Variants in CDH11 observed in about 807,000 individuals in gnomAD.
CDH11 encodes the protein cadherin-11.
In CDH11, 11 loss-of-function variants were observed where a neutral mutation model predicts 67.8. The ratio of observed to expected loss-of-function variants is 0.16; its 90% CI spans 0.10 to 0.27. The LOEUF (loss-of-function observed/expected upper bound fraction) is 0.27, where lower values mean the gene tolerates loss of function less well. Among genes scored for constraint, CDH11 ranks in the 10% least tolerant of loss-of-function variants. CDH11 has a pLI of 1.00. For missense variants in CDH11, 847 were observed against 1,031.2 expected (o/e 0.82, Z 2.45); for synonymous variants, 419 against 400.0 (o/e 1.05, Z -0.57).
At chr16:65,009,923 A>G (rs1409694880) in intron 2 of CDH11, among the ~76,000 whole-genome samples, 2 of 152,232 alleles carry the variant, frequency 1.3e-5, no homozygotes. Flanking sequence ...TGCCTTGAGC[A>G]TAAAACTCTC....
Position 64,972,924 on chromosome 16 carries a change from G to A in CDH11, c.1370C>T (p.Thr457Ile). 1 of 1,613,920 alleles carries A rather than the reference G, an allele frequency of 6.2e-7. No homozygotes were observed. The highest frequency in any genetic ancestry group is 8.5e-7 in the Non-Finnish European group (1 of 1,179,886). The stretch of plus-strand genomic sequence containing the variant: ...CTTACGGATTTCTGCTGCAAAGACA[G>A]TGATGTTGAGCCAGGCTGTTTCCTC... ...DREETAWLNI[T>I]VFAAEIHNRH... Residue 457 changes from threonine to isoleucine, a missense_variant, in exon 9 of 13, where the codon ACT becomes ATT. Physicochemically the swap from Thr to Ile is moderately conservative, Grantham distance 89. Transcript: ENST00000268603.
At chr16:64,953,087 A>G (rs2071405795) in intron 11 of CDH11, among the ~76,000 whole-genome samples, 1 of 152,120 alleles carries the variant, frequency 6.6e-6, no homozygotes. Context: ...GTAAATAGTT[A>G]TGATACTGTA....
chr16:64,972,894 G>C lies in CDH11; in HGVS notation c.1390+10C>G, dbSNP rs1750671090. ...TAAAGTAGAATCAAAACCATGAGGA[G>C]AATACTTACGGATTTCTGCTGCAAA... On this transcript the variant is annotated intron_variant, in intron 9 of 12. Transcript: ENST00000268603. The C allele has an allele frequency of 6.2e-7, 1 of 1,613,408 alleles. No individual in the cohort carries two copies. Among genetic ancestry groups the C allele is most frequent in the Non-Finnish European group, 8.5e-7 (1 of 1,179,476 alleles).
At chr16:64,962,964 T>C (rs985924285) in intron 11 of CDH11, among the ~76,000 whole-genome samples, 2 of 152,206 alleles carry the variant, frequency 1.3e-5, no homozygotes, top group African/African-American at 4.8e-5. Flanking sequence ...TGCTAGCCCT[T>C]CTTTAACTTA....
chr16:65,027,063 A>G (rs963820945), intron 2 of CDH11, among the ~76,000 whole-genome samples: 2 of 152,158 alleles, frequency 1.3e-5, no homozygotes, highest in African/African-American at 2.4e-5. Flanking sequence ...CCATGTTTCT[A>G]TCAGTATTTC....
rs773287027 is a variant in CDH11, at chr16:64,950,901, G to C, written c.1760C>G (p.Thr587Ser). Residue 587 changes from threonine (T) to serine (S), a missense_variant, in exon 12 of 13, where the codon ACC becomes AGC. This residue lies in a region of CDH11 where 612 missense variants were observed against 678.7 expected (regional missense o/e 0.90). Coordinates refer to ENST00000268603, the MANE Select transcript of CDH11 (RefSeq NM_001797.4). ...GGIPPMSSTN[T>S]LTIKVCGCDV... ...GCACCCGCAGACTTTGATGGTGAGG[G>C]TGTTGGTGCTACTCATGGGCGGGAT... 3.7e-6 allele frequency: 6 copies of C among 1,614,240 alleles called. No homozygotes were observed. Among genetic ancestry groups the C allele is most frequent in the Non-Finnish European group, 5.1e-6 (6 of 1,180,030 alleles).
intron 2 of CDH11, among the ~76,000 whole-genome samples, chr16:65,038,195 G>A (rs2142651979): frequency 6.6e-6 from 1 of 152,100 alleles, no homozygotes; most frequent in Non-Finnish European, 1.5e-5. Flanking sequence ...CTGAGATTGG[G>A]GCTCTGGCAG....
chr16:65,103,459 A>C (rs1433075203), intron 1 of CDH11, among the ~76,000 whole-genome samples: 1 of 152,232 alleles, frequency 6.6e-6, no homozygotes, highest in Non-Finnish European at 1.5e-5. Flanking sequence ...ATGAGGAAAT[A>C]AAATATGTTA....
intron 2 of CDH11, among the ~76,000 whole-genome samples, chr16:65,027,445 A>G (rs1271663493): frequency 6.6e-6 from 1 of 152,228 alleles, no homozygotes; most frequent in Non-Finnish European, 1.5e-5. Context: ...GAGATTTACC[A>G]GCAGGCTAAA....
At chr16:64,979,556 A>G (rs1326665509) in intron 8 of CDH11, among the ~76,000 whole-genome samples, 1 of 152,152 alleles carries the variant, frequency 6.6e-6, no homozygotes, top group Non-Finnish European at 1.5e-5. Context: ...GATAGCTATA[A>G]TGAAAAGAGG....
At chr16:65,112,323 G>A (rs1287779490) in intron 1 of CDH11, among the ~76,000 whole-genome samples, 2 of 152,104 alleles carry the variant, frequency 1.3e-5, no homozygotes, top group Non-Finnish European at 2.9e-5. Context: ...TGATGGCAGA[G>A]TTTGTTGGTC....
intron 11 of CDH11, among the ~76,000 whole-genome samples, chr16:64,955,445 A>G (rs2071483013): frequency 6.6e-6 from 1 of 152,086 alleles, no homozygotes; most frequent in South Asian, 2.1e-4. Context: ...AAAGAAAAAA[A>G]AAATCCACTA....
chr16:65,015,623 CTATAAG>C (rs1042722443), intron 2 of CDH11, among the ~76,000 whole-genome samples: 1 of 152,100 alleles, frequency 6.6e-6, no homozygotes, highest in African/African-American at 2.4e-5. Context: ...AGTCCAGGTT[CTATAAG>C]GGGGAAAAAT....
chr16:64,956,982 A>C (rs2071531315), intron 11 of CDH11, among the ~76,000 whole-genome samples: 1 of 152,162 alleles, frequency 6.6e-6, no homozygotes, highest in South Asian at 2.1e-4. Flanking sequence ...AAAAAATAAA[A>C]ATAAAAAAGG....
intron 1 of CDH11, among the ~76,000 whole-genome samples, chr16:65,076,104 T>A (rs2074504877): frequency 6.6e-6 from 1 of 152,154 alleles, no homozygotes; most frequent in Non-Finnish European, 1.5e-5. Flanking sequence ...CCTTGAGAGT[T>A]TGCCAACAAG....
chr16:65,069,173 C>G (rs909414112), intron 1 of CDH11, among the ~76,000 whole-genome samples: 1 of 152,190 alleles, frequency 6.6e-6, no homozygotes, highest in Non-Finnish European at 1.5e-5. Flanking sequence ...AGAATACATG[C>G]TGTGCATGGA....
intron 11 of CDH11, among the ~76,000 whole-genome samples, chr16:64,957,525 C>A (rs918485070): frequency 2.0e-5 from 3 of 151,884 alleles, no homozygotes; most frequent in Non-Finnish European, 2.9e-5. Context: ...CTGGCCTACA[C>A]TGCTTTCCTT....
chr16:65,044,821 G>C (rs1412484603), intron 2 of CDH11, among the ~76,000 whole-genome samples: 2 of 152,162 alleles, frequency 1.3e-5, no homozygotes, highest in Non-Finnish European at 2.9e-5. Context: ...TTTATCCTGA[G>C]AGGGACTGCA....
intron 2 of CDH11, among the ~76,000 whole-genome samples, chr16:65,049,956 C>T (rs777233319): frequency 7.2e-5 from 11 of 152,114 alleles, no homozygotes; most frequent in East Asian, 1.9e-4. Flanking sequence ...ATGCAGAGCC[C>T]GGTGGGTTCT....
Sources: gnomAD v4.1 joint callset for allele counts (sites outside exome capture counted in the v4.1 genomes callset) on GRCh38, gnomAD v4.1.1 for gene constraint, gnomAD v4.1.1 regional missense constraint, MANE v1.5 for transcripts, NCBI Gene and HGNC (gene_info 2026-07-23, HGNC 2026-07-21) for gene names.